Variants in BBS4 observed in about 807,000 individuals in gnomAD.
BBS4 encodes BBSome complex member BBS4.
In BBS4, 58 loss-of-function variants were observed where a neutral mutation model predicts 71.4. The observed-to-expected ratio is 0.81, with a 90% CI of 0.66 to 1.01. The LOEUF (loss-of-function observed/expected upper bound fraction) is 1.01. BBS4 is among the 50% of genes least tolerant of loss of function. The pLI, the probability that BBS4 is intolerant of heterozygous loss-of-function variation, is 0.00. For synonymous variants in BBS4, 228 were observed against 216.8 expected (o/e 1.05, Z -0.46); for missense variants, 660 against 607.9 (o/e 1.09, Z -0.90).
chr15:72,705,601 T>TTC lies in BBS4; in HGVS notation c.77-4098_77-4097insCT, dbSNP rs566055996. Among the ~76,000 whole-genome samples, 353 of 143,278 alleles carry TTC rather than the reference T, an allele frequency of 2.5e-3. 3 individuals are homozygous for TTC. The highest frequency in any genetic ancestry group is 5.8e-3 in the South Asian group (25 of 4,310). 94.0% of individuals were successfully genotyped at this position (143,278 alleles called of 152,430 possible). A position where few individuals can be genotyped will look rare whatever the true frequency, so the allele number is the denominator to read the frequency against. On this transcript the variant is annotated intron_variant, in intron 2 of 15. Transcript: ENST00000268057. ...CATGGCTTGTCCTTTTTTTTTTTTT[T>TTC]TTTTTTTTTGAGACTGGGTCTCACT... is the stretch of plus-strand genomic sequence containing the variant.
At chr15:72,722,768 G>T (rs759608266) in intron 6 of BBS4, 26 bp from the exon 7 acceptor site, 10 of 1,610,478 alleles carry the variant, frequency 6.2e-6, no homozygotes, top group Non-Finnish European at 7.6e-6. Flanking sequence ...CACCTGAGTT[G>T]TTTTCCTTCT....
intron 6 of BBS4, among the ~76,000 whole-genome samples, chr15:72,719,420 A>G (rs2065524987): frequency 6.6e-6 from 1 of 151,488 alleles, no homozygotes; most frequent in Non-Finnish European, 1.5e-5. Context: ...ATGCCTGGCT[A>G]AATTTATTTT....
At chr15:72,686,565 G>T (rs1340993453) in intron 1 of BBS4, 1 of 1,443,472 alleles carries the variant, frequency 6.9e-7, no homozygotes, top group Non-Finnish European at 9.2e-7. Flanking sequence ...GGTTTGGAAG[G>T]TAATGACTAG....
intron 1 of BBS4, chr15:72,686,818 A>G (rs2064853869): frequency 2.9e-6 from 1 of 348,586 alleles, no homozygotes; most frequent in Non-Finnish European, 5.6e-6. Flanking sequence ...TGAGGCATAT[A>G]TCTATAATTG....
chr15:72,687,170 G>GCA (rs2064870079), intron 1 of BBS4, among the ~76,000 whole-genome samples: 1 of 114,208 alleles, frequency 8.8e-6, no homozygotes, highest in South Asian at 3.0e-4. Flanking sequence ...CCGGGCTGGA[G>GCA]TGCAATGGCG....
rs1163561465 is a variant in BBS4, at chr15:72,737,644, G to C, written c.*57G>C. ...TCTTGGGCGAGGATGTGCTGGATTA[G>C]GAAAGGTGACATGACACAGGCAGAG... is the stretch of plus-strand genomic sequence containing the variant. On this transcript the variant is annotated 3_prime_UTR_variant, in exon 16 of 16. Coordinates refer to ENST00000268057, the MANE Select transcript of BBS4 (RefSeq NM_033028.5). The C allele has an allele frequency of 7.3e-7, 1 of 1,379,156 alleles. No individual in the cohort carries two copies. The highest frequency in any genetic ancestry group is 1.2e-5 in the South Asian group (1 of 80,508). The allele number at this position is 1,379,156 out of a possible 1,614,324, so 85.4% of individuals were successfully genotyped here.
In BBS4 at chr15:72,702,802, C is replaced by CTTTTTTTTTTTTTTTTT. The variant is rs59816410; in HGVS notation, c.77-6891_77-6875dup. On this transcript the variant is annotated intron_variant, in intron 2 of 15. Transcript: ENST00000268057. ...TTTTTGGTATAGTGAGGAGCTGACT[C>CTTTTTTTTTTTTTTTTT]TTTTTTTTTTTTTTTTTTTTTTTGA... Among the ~76,000 whole-genome samples the CTTTTTTTTTTTTTTTTT allele has an allele frequency of 4.5e-3, 329 of 73,470 alleles. 59 individuals carry two copies. The highest frequency in any genetic ancestry group is 0.011 in the East Asian group (18 of 1,620). The allele number at this position is 73,470 out of a possible 152,430, so 48.2% of individuals were successfully genotyped here. A position where few individuals can be genotyped will look rare whatever the true frequency, so the allele number is the denominator to read the frequency against.
intron 2 of BBS4, among the ~76,000 whole-genome samples, chr15:72,705,293 A>G (rs563952120): frequency 6.6e-6 from 1 of 151,464 alleles, no homozygotes; most frequent in East Asian, 1.9e-4. Context: ...GGTTGAATGA[A>G]TGAGTCTTGG....
intron 1 of BBS4, among the ~76,000 whole-genome samples, chr15:72,688,463 G>A (rs1179179683): frequency 8.6e-6 from 1 of 115,780 alleles, no homozygotes; most frequent in African/African-American, 3.3e-5. Context: ...GCCCTGTCTG[G>A]AGTGCAGTGG....
At position 72,730,157 on chromosome 15, in the gene BBS4, G is replaced by A. The variant is rs1457636154; in HGVS notation, c.711+473G>A. Among the ~76,000 whole-genome samples, 4 of 151,814 alleles carry A rather than the reference G, an allele frequency of 2.6e-5. No homozygotes were observed. In the East Asian group the frequency reaches 5.8e-4, roughly 22 times the overall value. On this transcript the variant is annotated intron_variant, in intron 10 of 15. Transcript: ENST00000268057. ...CCGGGCGTGGTGGCGGGCGCCTGTA[G>A]TCCCAGCTCCTCGGGAGGCTGAGGC...
chr15:72,732,556 G>A (rs572189379), intron 12 of BBS4, among the ~76,000 whole-genome samples: 27 of 152,100 alleles, frequency 1.8e-4, no homozygotes, highest in African/African-American at 5.3e-4. Context: ...CATTACTGTG[G>A]GTTCTTATTT....
intron 1 of BBS4, among the ~76,000 whole-genome samples, chr15:72,691,958 CAAA>C (rs33994964): frequency 4.5e-4 from 46 of 102,390 alleles, no homozygotes; most frequent in East Asian, 2.6e-3. Flanking sequence ...GACTTCGTCT[CAAA>C]AAAAAAAAAA....
chr15:72,725,295 CT>C (rs1278338520), intron 8 of BBS4, among the ~76,000 whole-genome samples: 1 of 151,994 alleles, frequency 6.6e-6, no homozygotes, highest in Non-Finnish European at 1.5e-5. Flanking sequence ...TCTTAAACTT[CT>C]GGGCTCAAGC....
chr15:72,698,031 C>A, intron 2 of BBS4: 1 of 455,946 alleles, frequency 2.2e-6, no homozygotes, highest in Non-Finnish European at 4.4e-6. Context: ...TCTTACCCAT[C>A]ATTGAGGTGA....
intron 1 of BBS4, among the ~76,000 whole-genome samples, chr15:72,693,562 T>C (rs1179868851): frequency 6.6e-6 from 1 of 152,236 alleles, no homozygotes; most frequent in African/African-American, 2.4e-5. Flanking sequence ...ATAGACATTA[T>C]GTAAACATGA....
chr15:72,707,068 G>T (rs1416268107), intron 2 of BBS4, among the ~76,000 whole-genome samples: 2 of 151,202 alleles, frequency 1.3e-5, no homozygotes, highest in Non-Finnish European at 2.9e-5. Context: ...GGACATAGAA[G>T]TTTTTTGGTT....
At position 72,731,419 on chromosome 15, in the gene BBS4, A is replaced by G. The variant is rs779692472; in HGVS notation, c.826A>G (p.Ile276Val). 2 of 1,614,168 alleles carry G rather than the reference A, an allele frequency of 1.2e-6. No individual in the cohort carries two copies. The highest frequency in any genetic ancestry group is 1.7e-5 in the Admixed American group (1 of 60,024). Residue 276 changes from isoleucine to valine, a missense_variant, in exon 11 of 16, where the codon ATT becomes GTT. Transcript: ENST00000268057. ...VPESPPLWNN[I>V]GMCFFGKKKY... is the part of the protein sequence containing the mutation. ...AGAAAGTCCTCCACTCTGGAATAAC[A>G]TTGGAATGTGTTTCTTTGGCAAGAA... is the stretch of plus-strand genomic sequence containing the variant.
intron 1 of BBS4, among the ~76,000 whole-genome samples, chr15:72,688,411 C>CTTTTTTTTTTTTATTTTTTT (rs2064915881): frequency 1.2e-5 from 1 of 83,052 alleles, no homozygotes; most frequent in Non-Finnish European, 2.1e-5. Context: ...GGTATTTTAT[C>CTTTTTTTTTTTTATTTTTTT]TTTTTTTTTT....
intron 1 of BBS4, among the ~76,000 whole-genome samples, chr15:72,687,241 C>G (rs901926812): frequency 6.7e-6 from 1 of 149,384 alleles, no homozygotes; most frequent in Non-Finnish European, 1.5e-5. Context: ...GCCTCAGCCT[C>G]CGGATTAGCT....
Sources: allele counts gnomAD v4.1 joint callset (sites outside exome capture counted in the v4.1 genomes callset), GRCh38; gene constraint gnomAD v4.1.1; transcripts MANE v1.5; gene names NCBI Gene and HGNC (gene_info 2026-07-23, HGNC 2026-07-21).